Variants in DRC11 observed in about 807,000 individuals in gnomAD.
DRC11 encodes the protein IQ and AAA domain-containing protein 1.
the DRC11 span, among the ~76,000 whole-genome samples, chr2:236,403,839 G>A: frequency 1.9e-4 from 29 of 151,904 alleles, no homozygotes; most frequent in Non-Finnish European, 5.9e-5. Context: ...GAGTCCTCCT[G>A]CCTCCCCGAT....
the DRC11 span, among the ~76,000 whole-genome samples, chr2:236,456,640 G>A: frequency 1.3e-5 from 2 of 152,178 alleles, no homozygotes; most frequent in Admixed American, 1.3e-4. The surrounding 1 kb of genome is among the most constrained non-coding windows in gnomAD (Gnocchi z 5.4). Flanking sequence ...TCAAGCTTAC[G>A]TGAGTTAAAA....
At chr2:236,432,581 C>T in the DRC11 span, among the ~76,000 whole-genome samples, 1 of 152,056 alleles carries the variant, frequency 6.6e-6, no homozygotes, top group African/African-American at 2.4e-5. Flanking sequence ...TATTCATATC[C>T]TTTTGCTGTT....
chr2:236,443,979 A>ATT, the DRC11 span, among the ~76,000 whole-genome samples: 330 of 139,866 alleles, frequency 2.4e-3, no homozygotes, highest in Middle Eastern at 0.016. This position sits in a 1 kb window ranked among gnomAD's most constrained non-coding sequence, Gnocchi z 4.4. Context: ...GGCCACATGA[A>ATT]TTTTTTTTTT....
the DRC11 span, among the ~76,000 whole-genome samples, chr2:236,472,070 T>C: frequency 6.6e-6 from 1 of 152,212 alleles, no homozygotes; most frequent in Admixed American, 6.5e-5. This position sits in a 1 kb window ranked among gnomAD's most constrained non-coding sequence, Gnocchi z 4.6. Flanking sequence ...GTAACTAGAT[T>C]GCAAAATCCC....
At chr2:236,442,822 A>C in the DRC11 span, among the ~76,000 whole-genome samples, 1 of 152,242 alleles carries the variant, frequency 6.6e-6, no homozygotes, top group African/African-American at 2.4e-5. Flanking sequence ...TGGAAGGTTC[A>C]AATTTTACCA....
At chr2:236,467,433 C>A in the DRC11 span, among the ~76,000 whole-genome samples, 1 of 152,170 alleles carries the variant, frequency 6.6e-6, no homozygotes, top group African/African-American at 2.4e-5. Flanking sequence ...CTTCCAGAAA[C>A]AATTTGACTT....
At chr2:236,328,576 C>G in the DRC11 span, among the ~76,000 whole-genome samples, 11 of 152,096 alleles carry the variant, frequency 7.2e-5, no homozygotes, top group Non-Finnish European at 1.6e-4. The surrounding 1 kb of genome is among the most constrained non-coding windows in gnomAD (Gnocchi z 6.7). Flanking sequence ...TTATACACCC[C>G]TAGGCCACCC....
chr2:236,369,486 G>T, the DRC11 span, among the ~76,000 whole-genome samples: 1 of 152,156 alleles, frequency 6.6e-6, no homozygotes, highest in African/African-American at 2.4e-5. The surrounding 1 kb of genome is among the most constrained non-coding windows in gnomAD (Gnocchi z 4.5). Flanking sequence ...CACTAGAATA[G>T]AAAGAGATCC....
the DRC11 span, among the ~76,000 whole-genome samples, chr2:236,434,153 C>A: frequency 2.6e-5 from 4 of 152,144 alleles, no homozygotes; most frequent in South Asian, 4.1e-4. The surrounding 1 kb of genome is among the most constrained non-coding windows in gnomAD (Gnocchi z 5.5). Flanking sequence ...TTTTAGTGTG[C>A]TAACACGTTA....
chr2:236,461,681 C>G, the DRC11 span, among the ~76,000 whole-genome samples: 436 of 152,318 alleles, frequency 2.9e-3, 2 homozygotes, highest in Admixed American at 5.8e-3. The surrounding 1 kb of genome is among the most constrained non-coding windows in gnomAD (Gnocchi z 4.0). Flanking sequence ...TCTCAGCACC[C>G]TTCATCTGTT....
the DRC11 span, among the ~76,000 whole-genome samples, chr2:236,463,134 C>T: frequency 1.3e-5 from 2 of 152,080 alleles, no homozygotes; most frequent in Non-Finnish European, 2.9e-5. This position sits in a 1 kb window ranked among gnomAD's most constrained non-coding sequence, Gnocchi z 5.0. Context: ...GATATACTAA[C>T]ATTACTATGA....
chr2:236,399,155 A>T, the DRC11 span, among the ~76,000 whole-genome samples: 1 of 152,040 alleles, frequency 6.6e-6, no homozygotes. The surrounding 1 kb of genome is among the most constrained non-coding windows in gnomAD (Gnocchi z 7.0). Flanking sequence ...ACGCCCAGCT[A>T]ATTTTTTTTA....
At chr2:236,343,285 G>T in the DRC11 span, among the ~76,000 whole-genome samples, 3 of 152,160 alleles carry the variant, frequency 2.0e-5, no homozygotes, top group African/African-American at 7.2e-5. The surrounding 1 kb of genome is among the most constrained non-coding windows in gnomAD (Gnocchi z 6.6). Context: ...GAACATTCCC[G>T]TTCCCCTTGC....
the DRC11 span, among the ~76,000 whole-genome samples, chr2:236,463,214 T>A: frequency 6.6e-6 from 1 of 152,158 alleles, no homozygotes; most frequent in Non-Finnish European, 1.5e-5. The surrounding 1 kb of genome is among the most constrained non-coding windows in gnomAD (Gnocchi z 5.0). Context: ...AGGATAGAAT[T>A]TTATAAGTTT....
At chr2:236,447,913 T>C in the DRC11 span, among the ~76,000 whole-genome samples, 1 of 152,132 alleles carries the variant, frequency 6.6e-6, no homozygotes, top group Admixed American at 6.5e-5. This position sits in a 1 kb window ranked among gnomAD's most constrained non-coding sequence, Gnocchi z 4.6. Flanking sequence ...GATTCAGGAA[T>C]GACATTGTAG....
At chr2:236,357,550 TTAC>T in the DRC11 span, among the ~76,000 whole-genome samples, 21,438 of 124,928 alleles carry the variant, frequency 0.17, 2,100 homozygotes, top group Non-Finnish European at 0.22. Flanking sequence ...TTATATATTA[TTAC>T]ATATTTACAT....
chr2:236,358,102 ATATATAT>A, the DRC11 span, among the ~76,000 whole-genome samples: 1 of 117,146 alleles, frequency 8.5e-6, no homozygotes, highest in Non-Finnish European at 1.6e-5. Context: ...TACCATATGA[ATATATAT>A]TATACACTAT....
the DRC11 span, among the ~76,000 whole-genome samples, chr2:236,477,369 A>T: frequency 6.6e-6 from 1 of 152,226 alleles, no homozygotes; most frequent in African/African-American, 2.4e-5. Context: ...TAAGAAAGAG[A>T]AGATTATTTA....
chr2:236,491,142 G>GTATATATATACACACAGTATATATATA, the DRC11 span, among the ~76,000 whole-genome samples: 137 of 39,324 alleles, frequency 3.5e-3, 3 homozygotes, highest in African/African-American at 0.016. Context: ...TATATATACA[G>GTATATATATACACACAGTATATATATA]TATATATATA....
Sources: allele counts gnomAD v4.1 joint callset (sites outside exome capture counted in the v4.1 genomes callset), GRCh38; gene constraint gnomAD v4.1.1; non-coding constraint Gnocchi (gnomAD v3.1); transcripts MANE v1.5; gene names NCBI Gene and HGNC (gene_info 2026-07-23, HGNC 2026-07-21).